DPYD: variants seen among roughly 807,000 people sequenced by gnomAD.
DPYD encodes the protein dihydropyrimidine dehydrogenase [NADP(+)].
A neutral mutation model predicts 116.2 loss-of-function variants in DPYD; 109 were observed. The observed-to-expected ratio is 0.94, with a 90% confidence interval of 0.80 to 1.10. DPYD has a LOEUF of 1.10. Among genes scored for constraint, DPYD ranks in the 50% least tolerant of loss-of-function variants. The pLI is 0.00. For missense variants in DPYD, 1,302 were observed against 1,254.5 expected, an observed-to-expected ratio of 1.04 and a Z score of -0.57; for synonymous variants, 440 against 432.0, an observed-to-expected ratio of 1.02 and a Z score of -0.23.
intron 2 of DPYD, among the ~76,000 whole-genome samples, chr1:97,863,858 A>C (rs1003420936): frequency 6.6e-5 from 10 of 152,008 alleles, no homozygotes; most frequent in African/African-American, 2.4e-4. Flanking sequence ...TTAATAAAGC[A>C]TGAAGGTGAC....
chr1:97,502,354 C>A, intron 13 of DPYD, among the ~76,000 whole-genome samples: 1 of 151,896 alleles, frequency 6.6e-6, no homozygotes, highest in Non-Finnish European at 1.5e-5. Flanking sequence ...CTGAAAATTA[C>A]CAGCAAGAAC....
chr1:97,769,248 C>A (rs1211192104), intron 3 of DPYD, among the ~76,000 whole-genome samples: 1 of 152,022 alleles, frequency 6.6e-6, no homozygotes, highest in African/African-American at 2.4e-5. Context: ...GATTTTCATT[C>A]CCAAAGAATA....
At chr1:97,253,801 AG>A (rs1663266316) in intron 18 of DPYD, among the ~76,000 whole-genome samples, 1 of 152,134 alleles carries the variant, frequency 6.6e-6, no homozygotes, top group Admixed American at 6.5e-5. Context: ...TATTTTTAAA[AG>A]TTTCCCCTAT....
intron 16 of DPYD, among the ~76,000 whole-genome samples, chr1:97,318,706 G>C (rs1229292539): frequency 4.7e-4 from 71 of 150,086 alleles, no homozygotes; most frequent in Admixed American, 2.1e-3. Context: ...CCCAGGAATT[G>C]AACTCAGCTC....
intron 20 of DPYD, among the ~76,000 whole-genome samples, chr1:97,123,362 A>G (rs1652594691): frequency 6.6e-6 from 1 of 152,132 alleles, no homozygotes; most frequent in African/African-American, 2.4e-5. Flanking sequence ...TAGTTCATTG[A>G]GACTTTGTTC....
intron 12 of DPYD, among the ~76,000 whole-genome samples, chr1:97,532,477 A>T (rs1033138710): frequency 5.3e-5 from 8 of 152,180 alleles, no homozygotes; most frequent in African/African-American, 1.7e-4. Context: ...TTAAATGTAC[A>T]GTAAAATTAA....
intron 20 of DPYD, among the ~76,000 whole-genome samples, chr1:97,174,717 C>T (rs1657124821): frequency 6.6e-6 from 1 of 152,080 alleles, no homozygotes; most frequent in Non-Finnish European, 1.5e-5. Flanking sequence ...TTACCAAATG[C>T]TTATCCTATA....
intron 2 of DPYD, among the ~76,000 whole-genome samples, chr1:97,844,190 G>C (rs1383494248): frequency 2.0e-5 from 3 of 152,164 alleles, no homozygotes; most frequent in Admixed American, 2.0e-4. Flanking sequence ...AGAGAATCTT[G>C]CCAAACCATG....
intron 14 of DPYD, among the ~76,000 whole-genome samples, chr1:97,439,885 C>T (rs1249234287): frequency 6.6e-6 from 1 of 151,878 alleles, no homozygotes; most frequent in Non-Finnish European, 1.5e-5. Context: ...TTTTATGGCA[C>T]ACCACAAATA....
At chr1:97,703,441 G>T (rs1016633353) in intron 5 of DPYD, among the ~76,000 whole-genome samples, 7 of 151,834 alleles carry the variant, frequency 4.6e-5, no homozygotes, top group African/African-American at 1.7e-4. Flanking sequence ...GATTTAATGA[G>T]CTAATTATAT....
intron 18 of DPYD, among the ~76,000 whole-genome samples, chr1:97,268,586 A>G (rs1664379406): frequency 6.6e-6 from 1 of 152,094 alleles, no homozygotes; most frequent in Admixed American, 6.5e-5. Context: ...GAAGGTTTGC[A>G]GCTTATACCT....
At chr1:97,303,326 C>T (rs1462135185) in intron 18 of DPYD, among the ~76,000 whole-genome samples, 1 of 151,956 alleles carries the variant, frequency 6.6e-6, no homozygotes, top group Non-Finnish European at 1.5e-5. Flanking sequence ...TCTGAGACAA[C>T]ACTTGAGCAG....
At chr1:97,706,919 A>T (rs1302866010) in intron 5 of DPYD, among the ~76,000 whole-genome samples, 1 of 152,052 alleles carries the variant, frequency 6.6e-6, no homozygotes, top group Non-Finnish European at 1.5e-5. Context: ...GATACTGTCA[A>T]ACTGTCTTCC....
At chr1:97,206,279 CTT>C (rs979226893) in intron 19 of DPYD, among the ~76,000 whole-genome samples, 9 of 151,872 alleles carry the variant, frequency 5.9e-5, no homozygotes, top group Non-Finnish European at 1.0e-4. Flanking sequence ...CCTTTTGTAA[CTT>C]ATTTCTTTAT....
intron 20 of DPYD, among the ~76,000 whole-genome samples, chr1:97,108,024 T>G (rs995099431): frequency 1.3e-5 from 2 of 152,214 alleles, no homozygotes; most frequent in Non-Finnish European, 1.5e-5. Context: ...TCAAGTTTAA[T>G]GAGCTCAAGT....
chr1:97,274,375 G>A (rs1477896708), intron 18 of DPYD, among the ~76,000 whole-genome samples: 1 of 152,052 alleles, frequency 6.6e-6, no homozygotes, highest in Admixed American at 6.6e-5. Context: ...AAAGAGCCTG[G>A]CATCTCTCTT....
chr1:97,719,971 A>G (rs2151562), intron 5 of DPYD: 983,950 of 984,970 alleles, frequency 1, 491,472 homozygotes, highest in East Asian at 1. Context: ...AAATTTTAGT[A>G]AGTTTCTAAT....
chr1:97,602,752 A>G (rs1655339323), intron 8 of DPYD, among the ~76,000 whole-genome samples: 2 of 151,932 alleles, frequency 1.3e-5, no homozygotes, highest in South Asian at 2.1e-4. Flanking sequence ...TCTATAGGAC[A>G]TTATGACACA....
At chr1:97,352,737 G>C (rs139055528) in intron 16 of DPYD, among the ~76,000 whole-genome samples, 1 of 151,992 alleles carries the variant, frequency 6.6e-6, no homozygotes, top group African/African-American at 2.4e-5. Context: ...GCACTCCTCC[G>C]GACACGTGTT....
Sources: gnomAD v4.1 joint callset for allele counts (sites outside exome capture counted in the v4.1 genomes callset) on GRCh38, gnomAD v4.1.1 for gene constraint, MANE v1.5 for transcripts, NCBI Gene and HGNC (gene_info 2026-07-23, HGNC 2026-07-21) for gene names.